Variants in FOXP2 observed in about 807,000 individuals in gnomAD.
FOXP2 encodes forkhead box P2, also known as forkhead box protein P2.
In FOXP2, 12 loss-of-function variants were observed where a neutral mutation model predicts 115.8. The observed-to-expected ratio is 0.10, with a 90% CI of 0.07 to 0.17. FOXP2 has a LOEUF of 0.17. Ranked by LOEUF, FOXP2 falls within the 10% of genes least tolerant of loss-of-function variation. The pLI is 1.00. For synonymous variants in FOXP2, 328 were observed against 297.7 expected (o/e 1.10, Z -1.05); for missense variants, 629 against 843.5 (o/e 0.75, Z 3.15).
Position 114,185,245 on chromosome 7 carries a change from T to G in FOXP2, c.-102+22157T>G, listed in dbSNP as rs545004784. Among the ~76,000 whole-genome samples, 3 of 152,180 alleles carry G rather than the reference T, an allele frequency of 2.0e-5. No homozygotes were observed. In the South Asian group the frequency reaches 6.2e-4, roughly 32 times the overall value. On this transcript the variant is annotated intron_variant, in intron 1 of 17. Transcript: ENST00000634411. Reference sequence around the variant, plus strand: ...TAAACAGTTTTTTGGCTCCTTCAGATCTGGGCCCTGGATTATACTTTGGGT... The same window carrying G: ...TAAACAGTTTTTTGGCTCCTTCAGAGCTGGGCCCTGGATTATACTTTGGGT...
intron 2 of FOXP2, among the ~76,000 whole-genome samples, chr7:114,515,541 C>T (rs1798293934): frequency 6.6e-6 from 1 of 152,038 alleles, no homozygotes; most frequent in Non-Finnish European, 1.5e-5. Flanking sequence ...TGTTCATGTC[C>T]TTTGCCCACT....
intron 8 of FOXP2, among the ~76,000 whole-genome samples, chr7:114,646,763 A>G (rs1463349868): frequency 6.6e-6 from 1 of 152,036 alleles, no homozygotes; most frequent in African/African-American, 2.4e-5. Flanking sequence ...TGTCTTCTTG[A>G]AAATGTGTTA....
chr7:114,450,939 T>C (rs1195108055), intron 2 of FOXP2, among the ~76,000 whole-genome samples: 1 of 152,086 alleles, frequency 6.6e-6, no homozygotes, highest in South Asian at 2.1e-4. Context: ...GGTTTAATTT[T>C]TTAAAGATAC....
At chr7:114,218,575 C>A (rs895715867) in intron 1 of FOXP2, among the ~76,000 whole-genome samples, 2 of 152,068 alleles carry the variant, frequency 1.3e-5, no homozygotes, top group African/African-American at 4.8e-5. Flanking sequence ...ATCAAGAAAG[C>A]CACATTCTTT....
intron 8 of FOXP2, among the ~76,000 whole-genome samples, chr7:114,650,973 A>C (rs1010822928): frequency 6.6e-6 from 1 of 152,116 alleles, no homozygotes; most frequent in Admixed American, 6.6e-5. Flanking sequence ...TTTTGTTTAT[A>C]ATAAAATTAG....
intron 2 of FOXP2, among the ~76,000 whole-genome samples, chr7:114,464,134 G>C (rs1190191275): frequency 1.3e-5 from 2 of 152,140 alleles, no homozygotes; most frequent in Non-Finnish European, 2.9e-5. Context: ...TGAGGTTTGT[G>C]AAACTGCAGT....
chr7:114,330,502 A>G (rs945783047), intron 2 of FOXP2, among the ~76,000 whole-genome samples: 3 of 148,596 alleles, frequency 2.0e-5, no homozygotes, highest in Admixed American at 6.8e-5. Context: ...ATATATGTGT[A>G]TATATATATA....
intron 2 of FOXP2, among the ~76,000 whole-genome samples, chr7:114,500,208 T>C (rs1393205442): frequency 8.5e-6 from 1 of 118,228 alleles, no homozygotes. Context: ...AGAGCAAGAC[T>C]CCATCTCAAA....
chr7:114,515,642 C>T (rs1033186148), intron 2 of FOXP2, among the ~76,000 whole-genome samples: 277 of 151,706 alleles, frequency 1.8e-3, no homozygotes, highest in African/African-American at 6.4e-3. Flanking sequence ...GAGTAGGTTG[C>T]GAAAATTTTC....
intron 2 of FOXP2, among the ~76,000 whole-genome samples, chr7:114,405,031 A>G (rs921526917): frequency 2.6e-5 from 4 of 151,934 alleles, no homozygotes; most frequent in African/African-American, 9.7e-5. Context: ...ATGTTGGCCC[A>G]TTTTACATTT....
chr7:114,097,650 A>G (rs965106255), intron 1 of FOXP2, among the ~76,000 whole-genome samples: 1 of 152,174 alleles, frequency 6.6e-6, no homozygotes, highest in Non-Finnish European at 1.5e-5. Context: ...GGTCTTCACC[A>G]TAGTTCTCCA....
intron 1 of FOXP2, among the ~76,000 whole-genome samples, chr7:114,125,527 G>C (rs1289677824): frequency 2.0e-5 from 3 of 152,054 alleles, no homozygotes; most frequent in Admixed American, 6.6e-5. Context: ...TCCCAGCATA[G>C]AAGTTTTCAG....
chr7:114,094,395 AT>A (rs1799601771), intron 1 of FOXP2, among the ~76,000 whole-genome samples: 1 of 152,230 alleles, frequency 6.6e-6, no homozygotes, highest in Admixed American at 6.5e-5. Context: ...CATATTTAAA[AT>A]TGCACTAACT....
intron 1 of FOXP2, chr7:114,287,996 C>A (rs1432011969): frequency 1.2e-5 from 5 of 426,478 alleles, no homozygotes; most frequent in Non-Finnish European, 2.3e-5. Flanking sequence ...TAAGCAGTGA[C>A]AATTATTTGT....
chr7:114,299,560 A>G (rs1309236707), intron 2 of FOXP2, among the ~76,000 whole-genome samples: 1 of 151,924 alleles, frequency 6.6e-6, no homozygotes, highest in African/African-American at 2.4e-5. Flanking sequence ...AAATAAATAA[A>G]TTTAGTGTTT....
chr7:114,477,058 T>A (rs1024438916), intron 2 of FOXP2, among the ~76,000 whole-genome samples: 5 of 151,976 alleles, frequency 3.3e-5, no homozygotes, highest in Non-Finnish European at 2.9e-5. Flanking sequence ...TTGGTGGGAA[T>A]GTAAATCAGT....
At chr7:114,626,531 A>ATCTCTC (rs35087540) in intron 3 of FOXP2, among the ~76,000 whole-genome samples, 2 of 147,318 alleles carry the variant, frequency 1.4e-5, no homozygotes, top group South Asian at 2.2e-4. Context: ...TAGAAGGCAT[A>ATCTCTC]TCTCTCTCTC....
chr7:114,382,912 T>C (rs1309418001), intron 2 of FOXP2, among the ~76,000 whole-genome samples: 1 of 152,188 alleles, frequency 6.6e-6, no homozygotes, highest in East Asian at 1.9e-4. Flanking sequence ...TTCTTCCTAG[T>C]TTTCCTCAGT....
At chr7:114,584,203 A>C (rs1802011752) in intron 3 of FOXP2, among the ~76,000 whole-genome samples, 1 of 152,014 alleles carries the variant, frequency 6.6e-6, no homozygotes, top group Admixed American at 6.6e-5. Flanking sequence ...CATCTATGGC[A>C]TTTTTCTGAT....
Sources: allele counts gnomAD v4.1 joint callset (sites outside exome capture counted in the v4.1 genomes callset), GRCh38; gene constraint gnomAD v4.1.1; transcripts MANE v1.5; gene names NCBI Gene and HGNC (gene_info 2026-07-23, HGNC 2026-07-21).